Variants in TBCE observed in about 807,000 individuals in gnomAD.
The protein encoded by TBCE is tubulin-specific chaperone E.
In TBCE, 53 loss-of-function variants were observed where a neutral mutation model predicts 77.0. The observed-to-expected ratio is 0.69, with a 90% confidence interval of 0.55 to 0.87. TBCE has a LOEUF of 0.87. Among genes scored for constraint, TBCE ranks in the 40% least tolerant of loss-of-function variants. TBCE has a pLI of 0.00. For synonymous variants in TBCE, 235 were observed against 241.3 expected (o/e 0.97, Z 0.24); for missense variants, 624 against 622.4 (o/e 1.00, Z -0.03).
chr1:235,425,459 C>T (rs1305437869), intron 5 of TBCE, among the ~76,000 whole-genome samples: 1 of 152,184 alleles, frequency 6.6e-6, no homozygotes, highest in African/African-American at 2.4e-5. Context: ...AACTCAGAAG[C>T]ACAGTGACTT....
intron 1 of TBCE, among the ~76,000 whole-genome samples, chr1:235,371,108 G>A (rs1424675073): frequency 8.3e-6 from 1 of 120,700 alleles, no homozygotes; most frequent in Non-Finnish European, 1.6e-5. Context: ...CCAGGCTAGA[G>A]TGCAATTGCA....
Position 235,451,104 on chromosome 1 carries a change from G to A in TBCE, c.*2342G>A, listed in dbSNP as rs1412986424. 6.6e-6 allele frequency: 1 copy of A among 152,206 alleles called. No homozygotes were observed. The highest frequency in any genetic ancestry group is 1.5e-5 in the Non-Finnish European group (1 of 68,044). The allele number at this position is 152,206 out of a possible 1,614,324, so 9.4% of individuals were successfully genotyped here. Reference sequence around the variant, plus strand: ...CCTTGAAGGCAGCTGCTGATCCTTGGGTTTGGAAGGCCAAGCCCAGGGTCA... The same window carrying A: ...CCTTGAAGGCAGCTGCTGATCCTTGAGTTTGGAAGGCCAAGCCCAGGGTCA... On this transcript the variant is annotated 3_prime_UTR_variant, in exon 17 of 17. Transcript: ENST00000642610.
In TBCE at chr1:235,440,030, C is replaced by G. The variant is rs1345794648; in HGVS notation, c.1270+1108C>G. ...CTGTCGCCCAGGCTGGAGTGCAGTGCCGCGATCTCCGCTCACTGCAAGCTC... is the reference window on the plus strand; with the variant it reads ...CTGTCGCCCAGGCTGGAGTGCAGTGGCGCGATCTCCGCTCACTGCAAGCTC... On this transcript the variant is annotated intron_variant, in intron 13 of 16. Transcript: ENST00000642610. Among the ~76,000 whole-genome samples the G allele has an allele frequency of 9.2e-5, 14 of 151,556 alleles. No individual in the cohort carries two copies. The South Asian group carries it at 1.5e-3, about 16-fold the overall frequency.
chr1:235,429,813 A>C (rs951724333), intron 6 of TBCE: 1 of 151,492 alleles, frequency 6.6e-6, no homozygotes, highest in Non-Finnish European at 1.5e-5. Flanking sequence ...CGCCTCCCAG[A>C]TTCAAGTGAT....
chr1:235,386,418 C>T (rs541246209), intron 2 of TBCE, among the ~76,000 whole-genome samples: 105 of 152,282 alleles, frequency 6.9e-4, no homozygotes, highest in African/African-American at 2.3e-3. Context: ...CCATTCTCCC[C>T]GTCACTTTCA....
chr1:235,375,906 G>A (rs1423439132), intron 1 of TBCE, among the ~76,000 whole-genome samples: 1 of 152,094 alleles, frequency 6.6e-6, no homozygotes, highest in Non-Finnish European at 1.5e-5. Flanking sequence ...AAATTAGCCG[G>A]GCTTGGTGGC....
At chr1:235,410,430 A>T (rs750992802) in intron 3 of TBCE, among the ~76,000 whole-genome samples, 6 of 152,150 alleles carry the variant, frequency 3.9e-5, no homozygotes, top group Middle Eastern at 3.4e-3. Flanking sequence ...GGCATTTGTA[A>T]ACTGTCATGG....
At chr1:235,388,608 GA>G (rs1678180826) in intron 2 of TBCE, among the ~76,000 whole-genome samples, 1 of 152,094 alleles carries the variant, frequency 6.6e-6, no homozygotes, top group Admixed American at 6.6e-5. Flanking sequence ...TACTTCTAAG[GA>G]ATGTGAATAT....
intron 13 of TBCE, 146 bp from the exon 14 acceptor site, chr1:235,441,668 A>C (rs1681885125): frequency 1.4e-6 from 1 of 701,082 alleles, no homozygotes; most frequent in Non-Finnish European, 2.5e-6. Flanking sequence ...ACTCCTAAAA[A>C]TCACACTGAA....
intron 1 of TBCE, among the ~76,000 whole-genome samples, chr1:235,378,115 T>C (rs948745608): frequency 1.3e-5 from 2 of 152,224 alleles, no homozygotes; most frequent in African/African-American, 4.8e-5. Flanking sequence ...TTTGTACACA[T>C]ATTATATATG....
intron 5 of TBCE, among the ~76,000 whole-genome samples, chr1:235,425,743 C>T (rs1319426799): frequency 6.6e-6 from 1 of 152,062 alleles, no homozygotes; most frequent in East Asian, 1.9e-4. Flanking sequence ...CTGGCGGTCC[C>T]GGTCATAGGC....
At chr1:235,448,542 C>T in intron 16 of TBCE, 102 bp downstream of exon 16, 2 of 1,396,928 alleles carry the variant, frequency 1.4e-6, no homozygotes, top group Non-Finnish European at 2.0e-6. Context: ...AAATGGAGAC[C>T]ATGGGTCTGT....
intron 3 of TBCE, among the ~76,000 whole-genome samples, chr1:235,407,690 T>G (rs1242668068): frequency 1.3e-5 from 2 of 152,222 alleles, no homozygotes; most frequent in Non-Finnish European, 2.9e-5. Flanking sequence ...ATGACAAGAA[T>G]GACCCAGTTT....
chr1:235,450,272 C>T lies in TBCE; in HGVS notation c.*1510C>T. On this transcript the variant is annotated 3_prime_UTR_variant, in exon 17 of 17. Coordinates refer to ENST00000642610, the MANE Select transcript of TBCE (RefSeq NM_003193.5). The stretch of plus-strand genomic sequence containing the variant: ...TCAGTTTCCACAGTTCCGTCAGTTC[C>T]CACGGAGAATACTGAGGAGAAGACA... 1.9e-6 allele frequency: 3 copies of T among 1,613,906 alleles called. No homozygotes were observed. Among genetic ancestry groups the T allele is most frequent in the Non-Finnish European group, 2.5e-6 (3 of 1,179,814 alleles).
rs760987980 is a variant in TBCE, at chr1:235,450,226, A to G, written c.*1464A>G. 4 of 1,614,004 alleles carry G rather than the reference A, an allele frequency of 2.5e-6. No homozygotes were observed. The African/African-American group carries it at 5.3e-5, about 22-fold the overall frequency. On this transcript the variant is annotated 3_prime_UTR_variant, in exon 17 of 17. Coordinates refer to ENST00000642610, the MANE Select transcript of TBCE (RefSeq NM_003193.5). ...CCCTGTTATCTTGCTTGACATCGAC[A>G]AGGATCACCGCACCGTTCCTTCAGT...
intron 12 of TBCE, among the ~76,000 whole-genome samples, chr1:235,438,516 C>T (rs1681608474): frequency 6.7e-6 from 1 of 150,254 alleles, no homozygotes; most frequent in Non-Finnish European, 1.5e-5. Context: ...CCACTGCACT[C>T]TAGCCTGGGC....
intron 5 of TBCE, among the ~76,000 whole-genome samples, chr1:235,424,927 C>T (rs781315567): frequency 5.9e-5 from 9 of 152,292 alleles, no homozygotes; most frequent in South Asian, 2.1e-4. Context: ...AGGCGTGAGC[C>T]GCCGCGCCTG....
intron 1 of TBCE, among the ~76,000 whole-genome samples, chr1:235,376,898 C>T (rs1056893954): frequency 1.1e-4 from 17 of 152,028 alleles, no homozygotes; most frequent in Non-Finnish European, 2.4e-4. Flanking sequence ...CGCTTGAACC[C>T]GGGAGATGGA....
chr1:235,441,615 G>C, intron 13 of TBCE, 199 bp from the exon 14 acceptor site: 1 of 591,206 alleles, frequency 1.7e-6, no homozygotes, highest in Non-Finnish European at 3.0e-6. Flanking sequence ...TGCAGCTCTG[G>C]GTAGATAGAA....
Sources: gnomAD v4.1 joint callset for allele counts (sites outside exome capture counted in the v4.1 genomes callset) on GRCh38, gnomAD v4.1.1 for gene constraint, MANE v1.5 for transcripts, NCBI Gene and HGNC (gene_info 2026-07-23, HGNC 2026-07-21) for gene names.